SLCO1C1: variants seen among roughly 807,000 people sequenced by gnomAD.
SLCO1C1 encodes the protein solute carrier organic anion transporter family member 1C1, also known as OAT-RP-5.
In SLCO1C1, 70 loss-of-function variants were observed where a neutral mutation model predicts 76.4. The ratio of observed to expected loss-of-function variants is 0.92; its 90% CI spans 0.76 to 1.12. SLCO1C1 has a LOEUF of 1.12. SLCO1C1 is among the 50% of genes most tolerant of loss of function. The pLI, the probability that SLCO1C1 is intolerant of heterozygous loss-of-function variation, is 0.00. For synonymous variants in SLCO1C1, 306 were observed against 286.1 expected (o/e 1.07, Z -0.70); for missense variants, 912 against 823.8 (o/e 1.11, Z -1.31).
intron 10 of SLCO1C1, 74 bp downstream of exon 10, chr12:20,733,178 A>G (rs1408191337): frequency 7.3e-7 from 1 of 1,372,270 alleles, no homozygotes; most frequent in African/African-American, 1.5e-5. Context: ...AGTTGCAAAA[A>G]AGGAATTTGA....
rs1294847812 is a variant in SLCO1C1 at position 20,753,037 on chromosome 12, T to C, written c.*509T>C. 6.6e-6 allele frequency: 1 copy of C among 152,200 alleles called. No homozygotes were observed. Among genetic ancestry groups the C allele is most frequent in the Non-Finnish European group, 1.5e-5 (1 of 68,042 alleles). The allele number at this position is 152,200 out of a possible 1,614,324, so 9.4% of individuals were successfully genotyped here. On this transcript the variant is annotated 3_prime_UTR_variant, in exon 15 of 15. Transcript: ENST00000266509. ...GCAGAACATGGAGAGGAAGATTTCA[T>C]TTTAAGCTCCTCCTTTTCTTTGAAA...
At chr12:20,707,419 A>C (rs994208044) in intron 4 of SLCO1C1, among the ~76,000 whole-genome samples, 1 of 152,076 alleles carries the variant, frequency 6.6e-6, no homozygotes, top group African/African-American at 2.4e-5. Context: ...CCACTACTGA[A>C]AAAATTAAAA....
At chr12:20,741,793 C>T (rs1042055134) in intron 12 of SLCO1C1, among the ~76,000 whole-genome samples, 2 of 151,984 alleles carry the variant, frequency 1.3e-5, no homozygotes, top group Non-Finnish European at 1.5e-5. Context: ...TTCTATTGTA[C>T]AACTGATAAA....
chr12:20,715,222 C>T lies in SLCO1C1; in HGVS notation c.613C>T (p.Gln205Ter). 1 of 1,614,104 alleles carries T rather than the reference C, an allele frequency of 6.2e-7. No homozygotes were observed. Among genetic ancestry groups the T allele is most frequent in the Non-Finnish European group, 8.5e-7 (1 of 1,179,950 alleles). ...LLRGIGETPI[Q>*]PLGIAYLDDF... ...TCGTGGAATAGGAGAAACTCCCATT[C>T]AGCCTTTGGGCATTGCCTACCTGGA... Residue 205 changes from glutamine to a stop codon, truncating the protein, a stop_gained, in exon 6 of 15, where the codon CAG becomes TAG. Coordinates refer to ENST00000266509, the MANE Select transcript of SLCO1C1 (RefSeq NM_017435.5). LOFTEE classifies it high-confidence loss of function.
rs772800979 is a variant in SLCO1C1 at position 20,701,448 on chromosome 12, G to C, written c.260G>C (p.Ser87Thr). ...TCACTGGTGGGAGTTATTGATGGTA[G>C]TTTTGAAATTGGTAGGTATTACAGA... is the stretch of plus-strand genomic sequence containing the variant. The part of the protein sequence containing the change: ...PSSLVGVIDG[S>T]FEIGNLLVIT... Residue 87 changes from serine (S) to threonine (T), a missense_variant, in exon 3 of 15, where the codon AGT (serine) becomes ACT (threonine). Transcript: ENST00000266509. 1 of 1,504,008 alleles carries C rather than the reference G, an allele frequency of 6.6e-7. No individual in the cohort carries two copies. Among genetic ancestry groups the C allele is most frequent in the East Asian group, 2.4e-5 (1 of 42,436 alleles). 93.2% of individuals were successfully genotyped at this position (1,504,008 alleles called of 1,614,324 possible).
Position 20,706,101 on chromosome 12 carries a change from C to A in SLCO1C1, c.404+20C>A, listed in dbSNP as rs201099004. The stretch of plus-strand genomic sequence containing the variant: ...GGAGCAGTAAGTCTAAAGCAATCAT[C>A]TTTTCCTTGCCTTTCCAAACAACTG... On this transcript the variant is annotated intron_variant, in intron 4 of 14. Transcript: ENST00000266509. 4.4e-6 allele frequency: 7 copies of A among 1,584,632 alleles called. No individual in the cohort carries two copies. The East Asian group carries it at 1.4e-4, about 31-fold the overall frequency.
At chr12:20,734,268 G>T (rs190610551) in intron 10 of SLCO1C1, among the ~76,000 whole-genome samples, 1 of 152,284 alleles carries the variant, frequency 6.6e-6, no homozygotes, top group Admixed American at 6.5e-5. Flanking sequence ...CAGGAAGATT[G>T]GTGAATGCAA....
Position 20,701,446 on chromosome 12 carries a change from T to C in SLCO1C1, c.258T>C (p.Gly86=). The C allele has an allele frequency of 6.6e-7, 1 of 1,506,954 alleles. No individual in the cohort carries two copies. Among genetic ancestry groups the C allele is most frequent in the South Asian group, 1.3e-5 (1 of 75,114 alleles). The allele number at this position is 1,506,954 out of a possible 1,614,324, so 93.3% of individuals were successfully genotyped here. A position where few individuals can be genotyped will look rare whatever the true frequency, so the allele number is the denominator to read the frequency against. Residue 86 remains glycine (G), a synonymous_variant, in exon 3 of 15, where the codon GGT becomes GGC. Transcript: ENST00000266509. ...IPSSLVGVID[G]SFEIGNLLVI... is the part of the protein sequence containing the mutation. ...CTTCACTGGTGGGAGTTATTGATGGTAGTTTTGAAATTGGTAGGTATTACA... is the reference window on the plus strand; with the variant it reads ...CTTCACTGGTGGGAGTTATTGATGGCAGTTTTGAAATTGGTAGGTATTACA...
At chr12:20,705,498 T>C (rs1002635751) in intron 3 of SLCO1C1, among the ~76,000 whole-genome samples, 1 of 152,028 alleles carries the variant, frequency 6.6e-6, no homozygotes, top group African/African-American at 2.4e-5. Flanking sequence ...GTGTTTAATT[T>C]TTCTATAAAA....
intron 8 of SLCO1C1, among the ~76,000 whole-genome samples, chr12:20,722,464 G>C (rs1565520728): frequency 6.6e-6 from 1 of 152,166 alleles, no homozygotes; most frequent in Admixed American, 6.5e-5. Context: ...GTGTTCTGTA[G>C]GCAAAAACCC....
intron 3 of SLCO1C1, among the ~76,000 whole-genome samples, chr12:20,704,043 A>G (rs1946659797): frequency 6.6e-6 from 1 of 150,816 alleles, no homozygotes; most frequent in African/African-American, 2.4e-5. Context: ...AAAGTTTGGT[A>G]AGACATATTT....
rs768192475 is a variant in SLCO1C1 at position 20,743,342 on chromosome 12, A to T, written c.1771A>T (p.Ile591Phe). 1 of 1,613,124 alleles carries T rather than the reference A, an allele frequency of 6.2e-7. No individual in the cohort carries two copies. Among genetic ancestry groups the T allele is most frequent in the African/African-American group, 1.3e-5 (1 of 75,042 alleles). Residue 591 changes from isoleucine (I) to phenylalanine (F), a missense_variant, in exon 13 of 15, where the codon ATC becomes TTC. Transcript: ENST00000266509. ...KPQLKSFALG[I>F]YTLAIRVLAG... ...ACAGCTTAAGTCTTTTGCCTTGGGT[A>T]TCTACACATTAGCAATAAGAGTTCT... is the stretch of plus-strand genomic sequence containing the variant.
At chr12:20,700,426 G>C (rs1312825316) in intron 2 of SLCO1C1, among the ~76,000 whole-genome samples, 2 of 151,258 alleles carry the variant, frequency 1.3e-5, no homozygotes, top group Non-Finnish European at 3.0e-5. Context: ...TTGCTATTTA[G>C]TGATAGAAGT....
At chr12:20,738,895 AG>A (rs911555680) in intron 11 of SLCO1C1, among the ~76,000 whole-genome samples, 8 of 152,330 alleles carry the variant, frequency 5.3e-5, no homozygotes, top group Admixed American at 4.6e-4. Flanking sequence ...TAAGATTCAA[AG>A]GTTTCAACTT....
chr12:20,710,651 C>G (rs1217971539), intron 4 of SLCO1C1, among the ~76,000 whole-genome samples: 1 of 152,064 alleles, frequency 6.6e-6, no homozygotes, highest in Non-Finnish European at 1.5e-5. Context: ...TAACTTGGTG[C>G]TATGCTAGTA....
chr12:20,706,910 T>C (rs1240028511), intron 4 of SLCO1C1, among the ~76,000 whole-genome samples: 3 of 152,186 alleles, frequency 2.0e-5, no homozygotes, highest in Non-Finnish European at 4.4e-5. Context: ...GAGAATATTT[T>C]AGAAGATTAT....
chr12:20,724,619 A>G (rs1947871716), intron 9 of SLCO1C1, among the ~76,000 whole-genome samples: 1 of 148,402 alleles, frequency 6.7e-6, no homozygotes, highest in South Asian at 2.1e-4. Flanking sequence ...TTTGAACTTC[A>G]TATAAATTAA....
chr12:20,750,633 T>G, intron 13 of SLCO1C1, 42 bp from the exon 14 acceptor site: 4 of 1,550,490 alleles, frequency 2.6e-6, no homozygotes, highest in Non-Finnish European at 3.6e-6. Flanking sequence ...GACAAAAAGA[T>G]GTGCATATGT....
intron 1 of SLCO1C1, among the ~76,000 whole-genome samples, chr12:20,697,984 T>C (rs1402671407): frequency 6.6e-6 from 1 of 152,084 alleles, no homozygotes; most frequent in Non-Finnish European, 1.5e-5. Flanking sequence ...ATCCTTAGTA[T>C]CTTTGTTTAG....
Sources: allele counts gnomAD v4.1 joint callset (sites outside exome capture counted in the v4.1 genomes callset), GRCh38; gene constraint gnomAD v4.1.1; transcripts MANE v1.5; gene names NCBI Gene and HGNC (gene_info 2026-07-23, HGNC 2026-07-21).